The following POMT1 variants were observed in gnomAD, a reference collection of about 807,000 sequenced individuals.
POMT1 encodes protein O-mannosyl-transferase 1.
Under a neutral mutation model 101.6 loss-of-function variants are expected in POMT1, and 85 were observed. The ratio of observed to expected loss-of-function variants is 0.84; its 90% CI spans 0.70 to 1.00. The LOEUF (loss-of-function observed/expected upper bound fraction) is 1.00. POMT1 is among the 50% of genes least tolerant of loss of function. The pLI is 0.00. For missense variants in POMT1, 857 were observed against 930.4 expected (o/e 0.92, Z 1.03); for synonymous variants, 371 against 383.0 (o/e 0.97, Z 0.37).
intron 2 of POMT1, 136 bp from the exon 3 acceptor site, chr9:131,505,978 T>C (rs1945720825): frequency 5.8e-6 from 7 of 1,215,710 alleles, no homozygotes; most frequent in South Asian, 1.3e-5. Context: ...TGGGAAACAA[T>C]TGGGGCAAAA....
rs377304621 is a variant in POMT1 at position 131,518,475 on chromosome 9, G to A, written c.1303G>A (p.Val435Ile). The change falls in exon 14 of 20, where the codon GTC becomes ATC. Residue 435 changes from valine (V) to isoleucine (I), a missense_variant. Val to Ile is a conservative substitution (Grantham distance 29). Coordinates refer to ENST00000402686, the MANE Select transcript of POMT1 (RefSeq NM_001077365.2). The part of the protein sequence containing the change: ...EIVNRGSDTD[V>I]WKTILSEVRF... ...TGTGAACAGAGGATCTGACACAGAC[G>A]TCTGGAAGACCATCCTCTCAGAGGT... The A allele has an allele frequency of 1.8e-4, 288 of 1,613,840 alleles. 4 individuals carry two copies. The South Asian group carries it at 2.3e-3, about 13-fold the overall frequency.
intron 13 of POMT1, among the ~76,000 whole-genome samples, chr9:131,516,097 T>C (rs375754144): frequency 1.6e-3 from 53 of 32,898 alleles, no homozygotes; most frequent in African/African-American, 2.8e-3. Context: ...CTTCCTCACA[T>C]GGAGCACTTC....
chr9:131,514,349 C>G (rs1487194331), intron 12 of POMT1, among the ~76,000 whole-genome samples: 1 of 152,226 alleles, frequency 6.6e-6, no homozygotes, highest in African/African-American at 2.4e-5. Context: ...AAACAACCAC[C>G]TGCGGGCCCC....
chr9:131,516,045 G>GGAGCACTTCCTCTAACACA (rs796366369), intron 13 of POMT1, among the ~76,000 whole-genome samples: 16 of 15,378 alleles, frequency 1.0e-3, no homozygotes, highest in Admixed American at 2.0e-3. Context: ...TTCCTCACAC[G>GGAGCACTTCCTCTAACACA]GAGCACTTCC....
chr9:131,505,755 G>A (rs1319301554), intron 2 of POMT1, among the ~76,000 whole-genome samples: 1 of 151,624 alleles, frequency 6.6e-6, no homozygotes, highest in Non-Finnish European at 1.5e-5. Flanking sequence ...TGCTGGTGGG[G>A]GCGGGGGTGG....
rs762064834 is a variant in POMT1 at position 131,522,257 on chromosome 9, G to T, written c.2003+33G>T. 6.2e-7 allele frequency: 1 copy of T among 1,610,224 alleles called. No homozygotes were observed. The highest frequency in any genetic ancestry group is 8.5e-7 in the Non-Finnish European group (1 of 1,179,944). On this transcript the variant is annotated intron_variant, in intron 19 of 19. Transcript: ENST00000402686. This position sits in a 1 kb window ranked among gnomAD's most constrained non-coding sequence, Gnocchi z 5.5. ...GGCTGCGGAGACAGTGGCTGGACCGGGCAGCAGCCCTCTGCTGGGAAGCCC... is the reference window on the plus strand; with the variant it reads ...GGCTGCGGAGACAGTGGCTGGACCGTGCAGCAGCCCTCTGCTGGGAAGCCC...
At chr9:131,505,603 A>G (rs567021856) in intron 2 of POMT1, among the ~76,000 whole-genome samples, 4 of 152,258 alleles carry the variant, frequency 2.6e-5, no homozygotes, top group Admixed American at 2.0e-4. Context: ...CAGTTGCATT[A>G]TCATGCCTGA....
intron 12 of POMT1, among the ~76,000 whole-genome samples, chr9:131,514,912 C>T (rs900113363): frequency 4.6e-5 from 7 of 152,280 alleles, no homozygotes; most frequent in South Asian, 2.1e-4. Flanking sequence ...GCTGAGATCG[C>T]GCCATTTGCA....
intron 13 of POMT1, chr9:131,518,200 G>A (rs1255360913): frequency 1.7e-6 from 1 of 581,938 alleles, no homozygotes; most frequent in African/African-American, 1.9e-5. Flanking sequence ...TTTCTGTGAG[G>A]AGGCCTCTTG....
chr9:131,518,513 C>G lies in POMT1; in HGVS notation c.1341C>G (p.His447Gln). 2 of 1,613,802 alleles carry G rather than the reference C, an allele frequency of 1.2e-6. No individual in the cohort carries two copies. The highest frequency in any genetic ancestry group is 1.7e-6 in the Non-Finnish European group (2 of 1,179,888). The change falls in exon 14 of 20, where the codon CAC becomes CAG. Residue 447 changes from histidine (H) to glutamine (Q), a missense_variant. By Grantham distance (24) the His-to-Gln change is conservative (BLOSUM62 0). Transcript: ENST00000402686. Reference protein sequence around the residue: ...KTILSEVRFVHVNTSAVLKLS... With the variant: ...KTILSEVRFVQVNTSAVLKLS... ...TCCTCTCAGAGGTCCGCTTTGTGCA[C>G]GTGAACACTTCCGCTGTCTTAAAGG...
At position 131,521,442 on chromosome 9, in the gene POMT1, C is replaced by T. The variant is rs150899645; in HGVS notation, c.1795C>T (p.Arg599Trp). 1.7e-5 allele frequency: 28 copies of T among 1,614,016 alleles called. No individual in the cohort carries two copies. The highest frequency in any genetic ancestry group is 2.0e-5 in the Non-Finnish European group (24 of 1,180,040). The change falls in exon 18 of 20, where the codon CGG becomes TGG. Residue 599 changes from arginine to tryptophan, a missense_variant. Physicochemically the swap from Arg to Trp is moderately radical, Grantham distance 101. Transcript: ENST00000402686. The stretch of plus-strand genomic sequence containing the variant: ...GCTGTCCTTGTGGTACCTGCTCCGA[C>T]GGCGAAGAAATGTCCATGACCTCCC... ...ALLSLWYLLR[R>W]RRNVHDLPQD...
At chr9:131,511,640 G>A (rs1054832388) in intron 10 of POMT1, 173 bp downstream of exon 10, 5 of 888,580 alleles carry the variant, frequency 5.6e-6, no homozygotes, top group Non-Finnish European at 8.7e-6. Context: ...GTTGCTGGAG[G>A]GACTTGGCGT....
chr9:131,517,188 G>A (rs1453112840), intron 13 of POMT1, among the ~76,000 whole-genome samples: 3 of 151,300 alleles, frequency 2.0e-5, no homozygotes, highest in Non-Finnish European at 2.9e-5. Context: ...TTAGCACCAC[G>A]TCCTCATGGC....
In POMT1 at chr9:131,509,886, C is replaced by T. The variant is rs1323066526; in HGVS notation, c.606-17C>T. The T allele has an allele frequency of 1.2e-6, 2 of 1,614,110 alleles. No individual in the cohort carries two copies. Among genetic ancestry groups the T allele is most frequent in the African/African-American group, 1.3e-5 (1 of 74,938 alleles). ...TTCCTGTCTCATGTTAACTCCATTT[C>T]TGTCATGTCTTTGCAGCATCAAGTA... On this transcript the variant is annotated splice_polypyrimidine_tract_variant and intron_variant, in intron 7 of 19. Transcript: ENST00000402686.
chr9:131,516,084 G>A (rs969746043), intron 13 of POMT1, among the ~76,000 whole-genome samples: 1 of 113,954 alleles, frequency 8.8e-6, no homozygotes, highest in South Asian at 3.1e-4. Flanking sequence ...CTCACACGGA[G>A]CACTTCCTCA....
Position 131,519,578 on chromosome 9 carries a change from T to G in POMT1, c.1584+92T>G. ...GGGCTGCACAGGACTCAAACCAGAG[T>G]CAGGCTTTGACGCTGGAGCTACAGG... On this transcript the variant is annotated intron_variant, in intron 16 of 19. Coordinates refer to ENST00000402686, the MANE Select transcript of POMT1 (RefSeq NM_001077365.2). The surrounding 1 kb of genome is among the most constrained non-coding windows in gnomAD (Gnocchi z 4.3). The G allele has an allele frequency of 2.4e-6, 3 of 1,265,952 alleles. No individual in the cohort carries two copies. Among genetic ancestry groups the G allele is most frequent in the Non-Finnish European group, 3.3e-6 (3 of 900,698 alleles). The allele number at this position is 1,265,952 out of a possible 1,614,324, so 78.4% of individuals were successfully genotyped here.
At chr9:131,509,102 T>G (rs1946509142) in intron 6 of POMT1, 80 bp downstream of exon 6, 1 of 955,068 alleles carries the variant, frequency 1.0e-6, no homozygotes, top group African/African-American at 1.6e-5. Flanking sequence ...GTCCAGTACC[T>G]TTTTTTGTTT....
rs1382644684 is a variant in POMT1 at position 131,522,907 on chromosome 9, C to T, written c.2004-25C>T. On this transcript the variant is annotated intron_variant, in intron 19 of 19. Transcript: ENST00000402686. The surrounding 1 kb of genome is among the most constrained non-coding windows in gnomAD (Gnocchi z 5.5). ...GAAGCCGCAGTGGTCAGCCACCCTC[C>T]CCCACGCTGCTCTGACCTCTGCAGG... 6.4e-7 allele frequency: 1 copy of T among 1,565,896 alleles called. No homozygotes were observed. The highest frequency in any genetic ancestry group is 2.3e-5 in the East Asian group (1 of 42,958).
Position 131,515,441 on chromosome 9 carries a change from C to A in POMT1, c.1191C>A (p.Ala397=), listed in dbSNP as rs770663643. The change falls in exon 13 of 20, where the codon GCC becomes GCA. Residue 397 remains alanine, a synonymous_variant. Transcript: ENST00000402686. ...GGTTTTCCAGGCATGATGTTGCAGC[C>A]CCCCTGAGCCCCCATTCACAGGAGG... The part of the protein sequence containing the change: ...TRSLNTHDVA[A]PLSPHSQEVS... 3 of 1,614,064 alleles carry A rather than the reference C, an allele frequency of 1.9e-6. No individual in the cohort carries two copies. The highest frequency in any genetic ancestry group is 2.2e-5 in the East Asian group (1 of 44,902).
Sources: allele counts gnomAD v4.1 joint callset (sites outside exome capture counted in the v4.1 genomes callset), GRCh38; gene constraint gnomAD v4.1.1; non-coding constraint Gnocchi (gnomAD v3.1); transcripts MANE v1.5; gene names NCBI Gene and HGNC (gene_info 2026-07-23, HGNC 2026-07-21).